Variants in SLC14A2 observed in about 807,000 individuals in gnomAD.
SLC14A2 encodes the protein solute carrier family 14 member 2.
A neutral mutation model predicts 104.6 loss-of-function variants in SLC14A2; 91 were observed. That is an observed-to-expected ratio of 0.87 (90% CI 0.73 to 1.04). The LOEUF (loss-of-function observed/expected upper bound fraction) is 1.04, where lower values mean the gene tolerates loss of function less well. Among genes scored for constraint, SLC14A2 ranks in the 50% least tolerant of loss-of-function variants. The probability of loss-of-function intolerance (pLI) is 0.00; values close to 1 mark genes in which losing one functional copy is unlikely to be tolerated. For missense variants in SLC14A2, 1,189 were observed against 1,156.0 expected (o/e 1.03, Z -0.41); for synonymous variants, 476 against 466.4 (o/e 1.02, Z -0.27).
intron 3 of SLC14A2, among the ~76,000 whole-genome samples, chr18:45,626,503 C>T (rs2045258990): frequency 6.6e-6 from 1 of 152,200 alleles, no homozygotes; most frequent in South Asian, 2.1e-4. Flanking sequence ...AATTTCTTCC[C>T]TAGTGTCTTT....
chr18:45,654,137 T>TGGG (rs10625342), intron 10 of SLC14A2, among the ~76,000 whole-genome samples: 2,352 of 149,606 alleles, frequency 0.016, 29 homozygotes, highest in African/African-American at 0.036. Context: ...GCAGGAATGC[T>TGGG]GGGGGGGACG....
chr18:45,172,658 C>G, the SLC14A2 span, among the ~76,000 whole-genome samples: 3 of 152,078 alleles, frequency 2.0e-5, no homozygotes, highest in Non-Finnish European at 2.9e-5. Flanking sequence ...ATTTTACATA[C>G]TATTAGGAAA....
At chr18:45,452,937 G>A (rs544308646) in intron 1 of SLC14A2, among the ~76,000 whole-genome samples, 1 of 152,294 alleles carries the variant, frequency 6.6e-6, no homozygotes, top group Admixed American at 6.5e-5. Flanking sequence ...GCTCAGGAGT[G>A]GCCCACTGAA....
intron 5 of SLC14A2, among the ~76,000 whole-genome samples, chr18:45,634,301 T>G (rs995020219): frequency 2.6e-5 from 4 of 152,230 alleles, no homozygotes; most frequent in Non-Finnish European, 1.5e-5. Context: ...GGAATATTTG[T>G]AAACAAGGAA....
At chr18:45,349,690 C>A (rs896395895) in intron 1 of SLC14A2, among the ~76,000 whole-genome samples, 2 of 152,202 alleles carry the variant, frequency 1.3e-5, no homozygotes, top group Non-Finnish European at 2.9e-5. Context: ...TCTCTCCTCT[C>A]CTGGGCATTT....
intron 1 of SLC14A2, among the ~76,000 whole-genome samples, chr18:45,308,210 C>G (rs2144208159): frequency 6.6e-6 from 1 of 152,264 alleles, no homozygotes; most frequent in South Asian, 2.1e-4. Flanking sequence ...ATCATACACC[C>G]AAACCATGTA....
intron 2 of SLC14A2, among the ~76,000 whole-genome samples, chr18:45,567,285 A>G (rs1482323786): frequency 6.6e-6 from 1 of 151,866 alleles, no homozygotes; most frequent in Non-Finnish European, 1.5e-5. Context: ...AAAAGGGCCC[A>G]CCCTTCCTAA....
At chr18:45,655,990 T>C (rs2045829031) in intron 10 of SLC14A2, among the ~76,000 whole-genome samples, 1 of 152,236 alleles carries the variant, frequency 6.6e-6, no homozygotes, top group Non-Finnish European at 1.5e-5. Context: ...GCCACTTATC[T>C]CTGGGCCTCA....
intron 1 of SLC14A2, among the ~76,000 whole-genome samples, chr18:45,481,311 C>G (rs2144697661): frequency 1.3e-5 from 2 of 152,070 alleles, no homozygotes; most frequent in East Asian, 3.9e-4. Context: ...GGTCTTGTGT[C>G]TGGTCATAAT....
the SLC14A2 span, among the ~76,000 whole-genome samples, chr18:45,176,482 A>T: frequency 9.9e-5 from 15 of 151,996 alleles, no homozygotes; most frequent in African/African-American, 3.6e-4. Context: ...TCCAGACTGA[A>T]TTTTTTTCTT....
chr18:45,286,723 T>G (rs957463116), intron 1 of SLC14A2, among the ~76,000 whole-genome samples: 2 of 151,720 alleles, frequency 1.3e-5, no homozygotes, highest in East Asian at 1.9e-4. Flanking sequence ...CCAACTTGTG[T>G]GTGTGTGTGT....
intron 12 of SLC14A2, 92 bp from the exon 13 acceptor site, chr18:45,666,838 GACAAT>G: frequency 1.0e-6 from 1 of 997,604 alleles, no homozygotes; most frequent in Non-Finnish European, 1.5e-6. Context: ...AATACCAAAT[GACAAT>G]CTTATTTGGT....
intron 2 of SLC14A2, among the ~76,000 whole-genome samples, chr18:45,553,669 T>C (rs371285058): frequency 9.8e-5 from 15 of 152,346 alleles, no homozygotes; most frequent in African/African-American, 3.4e-4. Flanking sequence ...CCAAATATTA[T>C]GTATGTTTTA....
chr18:45,633,394 T>C (rs1444808577), intron 5 of SLC14A2, among the ~76,000 whole-genome samples: 2 of 152,200 alleles, frequency 1.3e-5, no homozygotes, highest in Non-Finnish European at 2.9e-5. Flanking sequence ...ACTGGAAGTA[T>C]CGGTTGAGAT....
intron 1 of SLC14A2, among the ~76,000 whole-genome samples, chr18:45,400,134 C>A (rs1365304143): frequency 6.6e-6 from 1 of 152,216 alleles, no homozygotes; most frequent in East Asian, 1.9e-4. Context: ...ATATCGTACA[C>A]TCCTCACACA....
intron 5 of SLC14A2, among the ~76,000 whole-genome samples, chr18:45,634,647 G>A (rs2045391089): frequency 6.6e-6 from 1 of 152,226 alleles, no homozygotes; most frequent in South Asian, 2.1e-4. Context: ...AGTGAAGGAT[G>A]GAGGAGTGGC....
chr18:45,662,931 G>A (rs535694266), intron 10 of SLC14A2, among the ~76,000 whole-genome samples: 13 of 152,024 alleles, frequency 8.6e-5, no homozygotes, highest in Non-Finnish European at 1.5e-4. Context: ...AAGACACCAA[G>A]ATAATTCAAT....
At chr18:45,320,310 G>A (rs2085172140) in intron 1 of SLC14A2, among the ~76,000 whole-genome samples, 1 of 152,044 alleles carries the variant, frequency 6.6e-6, no homozygotes, top group Non-Finnish European at 1.5e-5. Context: ...TTAAAGCTTT[G>A]TACCCTTTGA....
At chr18:45,178,208 C>CA in the SLC14A2 span, among the ~76,000 whole-genome samples, 1 of 151,980 alleles carries the variant, frequency 6.6e-6, no homozygotes, top group African/African-American at 2.4e-5. Flanking sequence ...CATATCAAAA[C>CA]ATAAGAAAAG....
Sources: gnomAD v4.1 joint callset for allele counts (sites outside exome capture counted in the v4.1 genomes callset) on GRCh38, gnomAD v4.1.1 for gene constraint, MANE v1.5 for transcripts, NCBI Gene and HGNC (gene_info 2026-07-23, HGNC 2026-07-21) for gene names.